Variants in SCARA5 observed in about 807,000 individuals in gnomAD.
The protein encoded by SCARA5 is scavenger receptor class A member 5.
SCARA5 carries 45 observed loss-of-function variants against 46.3 expected under a neutral mutation model. That is an observed-to-expected ratio of 0.97 (90% CI 0.76 to 1.24). SCARA5 has a LOEUF of 1.24. Among genes scored for constraint, SCARA5 ranks in the 50% most tolerant of loss-of-function variants. The pLI, the probability that SCARA5 is intolerant of heterozygous loss-of-function variation, is 0.00. For synonymous variants in SCARA5, 333 were observed against 306.5 expected (o/e 1.09, Z -0.90); for missense variants, 680 against 689.0 (o/e 0.99, Z 0.15).
chr8:27,942,401 C>G (rs898505166), intron 3 of SCARA5, among the ~76,000 whole-genome samples: 1 of 152,180 alleles, frequency 6.6e-6, no homozygotes, highest in Non-Finnish European at 1.5e-5. Flanking sequence ...GCTGTTCTCT[C>G]ACTTTCCAAC....
chr8:27,936,426 T>TA (rs200732350), intron 3 of SCARA5, among the ~76,000 whole-genome samples: 1,779 of 151,314 alleles, frequency 0.012, 16 homozygotes, highest in Non-Finnish European at 0.017. Flanking sequence ...CCATCTCTAC[T>TA]AAAAATACAA....
intron 7 of SCARA5, among the ~76,000 whole-genome samples, chr8:27,887,641 C>G (rs1055357653): frequency 5.3e-5 from 8 of 152,164 alleles, no homozygotes; most frequent in African/African-American, 1.7e-4. Context: ...CCACCCCTGC[C>G]CCCCATAGCA....
Position 27,978,701 on chromosome 8 carries a change from A to T in SCARA5, c.112+8803T>A, listed in dbSNP as rs574507953. On this transcript the variant is annotated intron_variant, in intron 2 of 8. Transcript: ENST00000354914. Reference sequence around the variant, plus strand: ...ATTTTTAAAATTTTTTGTAGGTTGGAGGTCTCTCTGTGTTGCTCAGGCTGG... The same window carrying T: ...ATTTTTAAAATTTTTTGTAGGTTGGTGGTCTCTCTGTGTTGCTCAGGCTGG... 2.6e-5 allele frequency among the ~76,000 whole-genome samples: 4 copies of T among 152,018 alleles called. No individual in the cohort carries two copies. The East Asian group carries it at 7.8e-4, about 30-fold the overall frequency.
At chr8:27,949,003 T>C (rs1044457869) in intron 3 of SCARA5, among the ~76,000 whole-genome samples, 6 of 152,166 alleles carry the variant, frequency 3.9e-5, no homozygotes, top group Non-Finnish European at 8.8e-5. Context: ...GAGCCCACAA[T>C]TGGCTTGGTG....
chr8:27,882,553 A>G (rs563672751), intron 7 of SCARA5, among the ~76,000 whole-genome samples: 1 of 152,288 alleles, frequency 6.6e-6, no homozygotes, highest in South Asian at 2.1e-4. Context: ...TGTCCCGGGA[A>G]GTGTCTCAGC....
At chr8:27,977,416 T>C (rs1016665066) in intron 2 of SCARA5, among the ~76,000 whole-genome samples, 1 of 152,190 alleles carries the variant, frequency 6.6e-6, no homozygotes, top group African/African-American at 2.4e-5. Flanking sequence ...TTCCTGCATC[T>C]GCCACCGGAC....
At chr8:27,948,358 G>T (rs932937714) in intron 3 of SCARA5, among the ~76,000 whole-genome samples, 7 of 152,178 alleles carry the variant, frequency 4.6e-5, no homozygotes, top group African/African-American at 1.7e-4. Context: ...CCCTCTGGGA[G>T]GGAGGCAGGG....
intron 3 of SCARA5, among the ~76,000 whole-genome samples, chr8:27,940,479 A>C (rs1380423092): frequency 1.3e-5 from 2 of 152,162 alleles, no homozygotes; most frequent in African/African-American, 4.8e-5. Context: ...GTGATGTGAA[A>C]TGTCTCAGAT....
At chr8:27,920,626 C>CCAAAA (rs775945457) in intron 4 of SCARA5, among the ~76,000 whole-genome samples, 8 of 101,880 alleles carry the variant, frequency 7.9e-5, no homozygotes, top group Admixed American at 6.4e-4. Flanking sequence ...AAAAAAAAAA[C>CCAAAA]CAAAACAAAA....
chr8:27,900,789 G>GTTTT (rs1160056178), intron 7 of SCARA5, among the ~76,000 whole-genome samples: 23 of 127,190 alleles, frequency 1.8e-4, no homozygotes, highest in African/African-American at 6.5e-4. Flanking sequence ...TACGTAGCGG[G>GTTTT]TTTTTTTTTT....
At chr8:27,939,801 A>C (rs537553910) in intron 3 of SCARA5, among the ~76,000 whole-genome samples, 16 of 152,232 alleles carry the variant, frequency 1.1e-4, no homozygotes, top group Non-Finnish European at 2.2e-4. Context: ...CCAGTTTTAC[A>C]GATGAAGCTT....
chr8:27,951,828 A>G (rs2129902388), intron 3 of SCARA5, among the ~76,000 whole-genome samples: 1 of 152,330 alleles, frequency 6.6e-6, no homozygotes, highest in African/African-American at 2.4e-5. Context: ...GCGAACTCGA[A>G]CACACCAGAG....
At chr8:27,905,307 T>A (rs1275800263) in intron 6 of SCARA5, among the ~76,000 whole-genome samples, 1 of 152,026 alleles carries the variant, frequency 6.6e-6, no homozygotes, top group Non-Finnish European at 1.5e-5. Flanking sequence ...CTTCCCAGGA[T>A]ATGGCTAAAG....
intron 4 of SCARA5, among the ~76,000 whole-genome samples, chr8:27,914,122 T>C (rs768647630): frequency 2.5e-4 from 38 of 152,128 alleles, no homozygotes; most frequent in Admixed American, 2.6e-4. Context: ...TCTCATGAGG[T>C]CTGATGGTTT....
intron 3 of SCARA5, among the ~76,000 whole-genome samples, chr8:27,923,424 T>C (rs1807631689): frequency 6.6e-6 from 1 of 152,216 alleles, no homozygotes; most frequent in Admixed American, 6.5e-5. Flanking sequence ...CTTTCCATTC[T>C]CCAACAGCCC....
intron 3 of SCARA5, among the ~76,000 whole-genome samples, chr8:27,929,035 G>A (rs1807726130): frequency 6.6e-6 from 1 of 152,150 alleles, no homozygotes; most frequent in South Asian, 2.1e-4. Context: ...ACCTAGGCTG[G>A]GGTCAGGCTG....
At chr8:27,956,788 G>T (rs1200320029) in intron 3 of SCARA5, among the ~76,000 whole-genome samples, 1 of 152,142 alleles carries the variant, frequency 6.6e-6, no homozygotes, top group African/African-American at 2.4e-5. Flanking sequence ...TCGGTGCTAG[G>T]CTCGTTGTTG....
intron 7 of SCARA5, among the ~76,000 whole-genome samples, chr8:27,898,711 G>A (rs1342400258): frequency 6.6e-6 from 1 of 152,194 alleles, no homozygotes; most frequent in Non-Finnish European, 1.5e-5. Flanking sequence ...GAAGGATGAG[G>A]TGCTGATTGT....
intron 3 of SCARA5, among the ~76,000 whole-genome samples, chr8:27,948,185 G>A (rs1481458524): frequency 6.6e-6 from 1 of 152,146 alleles, no homozygotes; most frequent in African/African-American, 2.4e-5. Context: ...CTGAGGAGGG[G>A]AGCTGGGTGG....
Sources: gnomAD v4.1 joint callset for allele counts (sites outside exome capture counted in the v4.1 genomes callset) on GRCh38, gnomAD v4.1.1 for gene constraint, MANE v1.5 for transcripts, NCBI Gene and HGNC (gene_info 2026-07-23, HGNC 2026-07-21) for gene names.